The following BTK variants were observed in gnomAD, a reference collection of about 807,000 sequenced individuals.
The protein encoded by BTK is tyrosine-protein kinase BTK.
Under a neutral mutation model 57.4 loss-of-function variants are expected in BTK, and 5 were observed. That is an observed-to-expected ratio of 0.09 (90% CI 0.05 to 0.18). BTK has a LOEUF of 0.18. Ranked by LOEUF, BTK falls within the 10% of genes least tolerant of loss-of-function variation. The pLI is 1.00. For synonymous variants in BTK, 154 were observed against 174.3 expected (o/e 0.88, Z 0.92); for missense variants, 194 against 501.2 (o/e 0.39, Z 5.85).
Position 101,349,712 on chromosome X carries a change from C to T in BTK, c.*173G>A. On this transcript the variant is annotated 3_prime_UTR_variant, in exon 19 of 19. Coordinates refer to ENST00000308731, the MANE Select transcript of BTK (RefSeq NM_000061.3). ...TAATTTCTTGGCCTTTGCTCAGAAG[C>T]CACTATCCCAGGGAATCAAAGAAGA... The T allele has an allele frequency of 2.1e-6, 1 of 472,628 alleles. No individual in the cohort carries two copies. Among genetic ancestry groups the T allele is most frequent in the Non-Finnish European group, 3.8e-6 (1 of 265,673 alleles). The allele number at this position is 472,628 out of a possible 1,213,427, so 38.9% of individuals were successfully genotyped here. A position where few individuals can be genotyped will look rare whatever the true frequency, so the allele number is the denominator to read the frequency against.
At position 101,362,087 on chromosome X, in the gene BTK, G is replaced by A. The variant is rs1333818689; in HGVS notation, c.588+86C>T. 5.5e-5 allele frequency: 53 copies of A among 956,058 alleles called. 1 individual carries two copies. The African/African-American group carries it at 9.8e-4, about 18-fold the overall frequency. 78.8% of individuals were successfully genotyped at this position (956,058 alleles called of 1,213,427 possible). On this transcript the variant is annotated intron_variant, in intron 7 of 18. Transcript: ENST00000308731. The stretch of plus-strand genomic sequence containing the variant: ...TACCAATTAACACTGCCAAGTCCCA[G>A]GGTAATTCTAAGACTCTAGTGTGTT...
intron 15 of BTK, chrX:101,355,576 ATTCCAGGG>A: frequency 7.8e-5 from 10 of 127,962 alleles, no homozygotes; most frequent in Middle Eastern, 4.1e-3. Context: ...GAAGCTGGAA[ATTCCAGGG>A]TTTTTTTTTT....
chrX:101,387,347 C>CTTTTTT (rs1195584019), upstream of BTK, among the ~76,000 whole-genome samples: 1 of 75,509 alleles, frequency 1.3e-5, no homozygotes, highest in Non-Finnish European at 2.5e-5. Context: ...GCCCTGGGAC[C>CTTTTTT]TTTTTTTTTT....
intron 5 of BTK, among the ~76,000 whole-genome samples, chrX:101,368,124 C>T (rs1471689477): frequency 1.8e-5 from 2 of 111,784 alleles, no homozygotes; most frequent in East Asian, 5.6e-4. Context: ...CCTCTCTGTA[C>T]CTCAGCTTTC....
intron 1 of BTK, among the ~76,000 whole-genome samples, chrX:101,376,266 C>T (rs1305373083): frequency 4.5e-5 from 5 of 112,090 alleles, no homozygotes; most frequent in African/African-American, 1.6e-4. Context: ...AGTTTATGCA[C>T]AGTGTAATAT....
rs782448421 is a variant in BTK at position 101,362,771 on chromosome X, G to A, written c.392-82C>T. On this transcript the variant is annotated intron_variant, in intron 5 of 18. Transcript: ENST00000308731. ...GCATGTTTTCCTCTTTGAGCTTAGT[G>A]GTGAACTTCAAGCAACTGCCCCCTC... is the stretch of plus-strand genomic sequence containing the variant. The A allele has an allele frequency of 2.0e-5, 24 of 1,187,790 alleles. No individual in the cohort carries two copies. In the African/African-American group the frequency reaches 3.9e-4, roughly 19 times the overall value.
At position 101,358,428 on chromosome X, in the gene BTK, T is replaced by C; in HGVS notation, c.984A>G (p.Gln328=). The change falls in exon 12 of 19, where the codon CAA becomes CAG. Residue 328 remains glutamine, a synonymous_variant. Transcript: ENST00000308731. The stretch of plus-strand genomic sequence containing the variant: ...ACACAACATAATGACGTATCACCCC[T>C]TGAGGGTCCCTGAAGAAGTGGATGC... The part of the protein sequence containing the change: ...SVFAKSTGDP[Q]GVIRHYVVCS... 1 of 1,211,671 alleles carries C rather than the reference T, an allele frequency of 8.3e-7. No individual in the cohort carries two copies.
chrX:101,370,721 C>T (rs1335410051), intron 4 of BTK, among the ~76,000 whole-genome samples: 1 of 112,021 alleles, frequency 8.9e-6, no homozygotes, highest in Non-Finnish European at 1.9e-5. Flanking sequence ...TACGAAGATG[C>T]ATGAAATATA....
At chrX:101,390,504 A>G (rs1327441472), upstream of BTK, 2 of 515,839 alleles carry the variant, frequency 3.9e-6, no homozygotes, top group South Asian at 4.9e-5. Context: ...TGCCTGCCAC[A>G]TAATGGGCAT....
chrX:101,357,643 A>C, intron 12 of BTK, 60 bp from the exon 13 acceptor site: 3 of 928,381 alleles, frequency 3.2e-6, no homozygotes, highest in Non-Finnish European at 4.7e-6. Flanking sequence ...TGCCTCACAC[A>C]TCCTCACTTA....
At chrX:101,359,139 GAAAAAC>G (rs1338006700) in intron 10 of BTK, among the ~76,000 whole-genome samples, 148 bp downstream of exon 10, 1 of 111,385 alleles carries the variant, frequency 9.0e-6, no homozygotes, top group Non-Finnish European at 1.9e-5. Context: ...GTCCGTCTCA[GAAAAAC>G]AAAAACAAAA....
In BTK at chrX:101,353,179, T is replaced by C; in HGVS notation, c.1908+15A>G. The C allele has an allele frequency of 1.7e-6, 2 of 1,206,820 alleles. No individual in the cohort carries two copies. Among genetic ancestry groups the C allele is most frequent in the Non-Finnish European group, 1.1e-6 (1 of 892,093 alleles). On this transcript the variant is annotated intron_variant, in intron 18 of 18. Coordinates refer to ENST00000308731, the MANE Select transcript of BTK (RefSeq NM_000061.3). ...TTCAAGGAAATAATTTAAGAGATCC[T>C]AATAAAGCACTTACCTCATGCCAGC...
intron 11 of BTK, 74 bp downstream of exon 11, chrX:101,358,543 G>T: frequency 8.5e-7 from 1 of 1,173,137 alleles, no homozygotes; most frequent in South Asian, 1.8e-5. Context: ...AAGTGGGACG[G>T]GCACAGCATC....
intron 12 of BTK, 86 bp from the exon 13 acceptor site, chrX:101,357,669 G>A (rs1273390811): frequency 6.7e-6 from 5 of 747,887 alleles, no homozygotes; most frequent in Admixed American, 2.2e-5. Flanking sequence ...TCACACTTCC[G>A]GTGTGTATCT....
upstream of BTK, among the ~76,000 whole-genome samples, chrX:101,388,101 C>T (rs782632691): frequency 8.1e-5 from 9 of 111,088 alleles, no homozygotes; most frequent in Non-Finnish European, 1.1e-4. Context: ...CTCCTGACCT[C>T]GTGATCCACC....
At chrX:101,390,056 G>C (rs185412023), upstream of BTK, among the ~76,000 whole-genome samples, 98 of 111,980 alleles carry the variant, frequency 8.8e-4, no homozygotes, top group African/African-American at 3.0e-3. Context: ...TTGTATCCTA[G>C]ATTCACTAAA....
intron 1 of BTK, among the ~76,000 whole-genome samples, chrX:101,384,506 A>T (rs1341537588): frequency 9.0e-6 from 1 of 110,847 alleles, no homozygotes; most frequent in African/African-American, 3.3e-5. Context: ...CTGAGGCAGG[A>T]GAATTGTTTG....
chrX:101,361,502 A>G (rs1926668613), intron 7 of BTK, among the ~76,000 whole-genome samples: 1 of 92,553 alleles, frequency 1.1e-5, no homozygotes, highest in Admixed American at 1.2e-4. Flanking sequence ...TCTAGCCCTC[A>G]AGAAGGAACC....
intron 1 of BTK, among the ~76,000 whole-genome samples, chrX:101,379,105 C>T (rs1927317988): frequency 9.5e-6 from 1 of 105,807 alleles, no homozygotes; most frequent in African/African-American, 3.5e-5. Context: ...ACTCGGGAGG[C>T]GGAGGTTGCA....
Sources: allele counts gnomAD v4.1 joint callset (sites outside exome capture counted in the v4.1 genomes callset), GRCh38; gene constraint gnomAD v4.1.1; transcripts MANE v1.5; gene names NCBI Gene and HGNC (gene_info 2026-07-23, HGNC 2026-07-21).